Variants in CYP2C8 observed in about 807,000 individuals in gnomAD.
CYP2C8 encodes cytochrome P450 family 2 subfamily C member 8.
In CYP2C8, 51 loss-of-function variants were observed where a neutral mutation model predicts 41.3. The ratio of observed to expected loss-of-function variants is 1.24; its 90% confidence interval spans 0.99 to 1.56. The LOEUF is 1.56. Ranked by LOEUF, CYP2C8 falls within the 40% of genes most tolerant of loss-of-function variation. The pLI, the probability that CYP2C8 is intolerant of heterozygous loss-of-function variation, is 0.00. For synonymous variants in CYP2C8, 218 were observed against 205.8 expected, an observed-to-expected ratio of 1.06 and a Z score of -0.51; for missense variants, 651 against 579.9, an observed-to-expected ratio of 1.12 and a Z score of -1.26.
intron 5 of CYP2C8, among the ~76,000 whole-genome samples, chr10:95,047,574 C>T (rs1191270104): frequency 1.3e-5 from 2 of 152,048 alleles, no homozygotes; most frequent in Non-Finnish European, 2.9e-5. Flanking sequence ...CAACAGGCAA[C>T]TTATTCTTAG....
At chr10:95,058,572 G>A (rs1446133487) in intron 4 of CYP2C8, 61 bp from the exon 5 acceptor site, 3 of 1,413,836 alleles carry the variant, frequency 2.1e-6, no homozygotes, top group African/African-American at 2.9e-5. Flanking sequence ...CTTACACCAA[G>A]CCCTGATTGA....
At chr10:95,039,986 A>G (rs1247394822) in intron 7 of CYP2C8, among the ~76,000 whole-genome samples, 1 of 152,200 alleles carries the variant, frequency 6.6e-6, no homozygotes, top group Non-Finnish European at 1.5e-5. Context: ...AGGTCAACTG[A>G]TTGAAAAGAA....
At chr10:95,063,714 TC>T (rs1296433479) in intron 4 of CYP2C8, among the ~76,000 whole-genome samples, 1 of 152,242 alleles carries the variant, frequency 6.6e-6, no homozygotes, top group Non-Finnish European at 1.5e-5. Flanking sequence ...GGAGAGGCAC[TC>T]TGATTTTTAG....
intron 3 of CYP2C8, among the ~76,000 whole-genome samples, chr10:95,066,272 C>T (rs2033566397): frequency 6.7e-6 from 1 of 150,370 alleles, no homozygotes; most frequent in Admixed American, 6.7e-5. Flanking sequence ...TTTTATATCC[C>T]AGCTGATAAT....
chr10:95,051,799 T>G (rs11188155), intron 5 of CYP2C8, among the ~76,000 whole-genome samples: 32,961 of 151,976 alleles, frequency 0.22, 4,038 homozygotes, highest in Non-Finnish European at 0.29. Flanking sequence ...TATCAAAACC[T>G]ATGGGATTCA....
At chr10:95,065,957 C>T (rs555977571) in intron 3 of CYP2C8, among the ~76,000 whole-genome samples, 21 of 152,082 alleles carry the variant, frequency 1.4e-4, no homozygotes, top group Admixed American at 3.3e-4. Flanking sequence ...AAGAGTGACA[C>T]GAAATGAAAG....
intron 1 of CYP2C8, among the ~76,000 whole-genome samples, chr10:95,067,932 T>C (rs2033605995): frequency 6.6e-6 from 1 of 152,322 alleles, no homozygotes; most frequent in African/African-American, 2.4e-5. Flanking sequence ...CAGTTCATCC[T>C]CACTTCAACA....
chr10:95,067,943 C>T (rs2033606134), intron 1 of CYP2C8, among the ~76,000 whole-genome samples: 2 of 152,232 alleles, frequency 1.3e-5, no homozygotes, highest in South Asian at 4.1e-4. Context: ...CACTTCAACA[C>T]ATTCAGCACA....
chr10:95,061,445 T>G (rs1384719909), intron 4 of CYP2C8, among the ~76,000 whole-genome samples: 3 of 152,224 alleles, frequency 2.0e-5, no homozygotes, highest in Non-Finnish European at 4.4e-5. Flanking sequence ...GTTTATAGTA[T>G]GCTCTGATGG....
At chr10:95,048,597 T>C (rs2033153759) in intron 5 of CYP2C8, among the ~76,000 whole-genome samples, 1 of 152,194 alleles carries the variant, frequency 6.6e-6, no homozygotes, top group Admixed American at 6.5e-5. Flanking sequence ...GGTATGGTGT[T>C]AGCTGAGATA....
chr10:95,058,215 A>C, intron 5 of CYP2C8, 120 bp downstream of exon 5: 2 of 1,425,458 alleles, frequency 1.4e-6, no homozygotes, highest in South Asian at 2.4e-5. Flanking sequence ...TAAGTAATTA[A>C]GATGCTTGTC....
chr10:95,063,323 A>G (rs1039095717), intron 4 of CYP2C8, among the ~76,000 whole-genome samples: 1 of 152,170 alleles, frequency 6.6e-6, no homozygotes, highest in Non-Finnish European at 1.5e-5. Context: ...TATTTCTTGG[A>G]GGCTTTGTGC....
intron 4 of CYP2C8, among the ~76,000 whole-genome samples, chr10:95,060,693 G>A (rs1275263018): frequency 2.0e-5 from 3 of 152,134 alleles, no homozygotes; most frequent in African/African-American, 7.2e-5. Flanking sequence ...GAATAGGAGT[G>A]GTGAGAGAGG....
chr10:95,040,282 G>A (rs1209234110), intron 7 of CYP2C8, among the ~76,000 whole-genome samples: 1 of 152,188 alleles, frequency 6.6e-6, no homozygotes, highest in East Asian at 1.9e-4. Context: ...ACCTCTTCTG[G>A]TTGTGTGCTT....
chr10:95,058,299 A>G (rs1323230173), intron 5 of CYP2C8, 36 bp downstream of exon 5: 1 of 1,611,028 alleles, frequency 6.2e-7, no homozygotes, highest in Admixed American at 1.7e-5. Context: ...AAAATGGACA[A>G]GAAATCAAAA....
chr10:95,045,992 C>T (rs1471077739), intron 5 of CYP2C8, 41 bp from the exon 6 acceptor site: 3 of 1,608,910 alleles, frequency 1.9e-6, no homozygotes, highest in Non-Finnish European at 2.6e-6. Context: ...AATTATGTGC[C>T]AGTATATCTA....
intron 7 of CYP2C8, chr10:95,040,898 C>T (rs1186865002): frequency 2.2e-6 from 1 of 456,122 alleles, no homozygotes; most frequent in Middle Eastern, 3.3e-4. Flanking sequence ...TAAAAACAGA[C>T]CCACATTAGG....
At chr10:95,068,259 G>A (rs374382200) in intron 1 of CYP2C8, among the ~76,000 whole-genome samples, 4 of 147,774 alleles carry the variant, frequency 2.7e-5, no homozygotes, top group Admixed American at 2.7e-4. Flanking sequence ...TGTAACTGCT[G>A]GTATTACCAA....
intron 3 of CYP2C8, among the ~76,000 whole-genome samples, chr10:95,065,985 G>A (rs984229108): frequency 6.6e-6 from 1 of 152,106 alleles, no homozygotes; most frequent in African/African-American, 2.4e-5. Context: ...AATAAAGTTG[G>A]AACATTGAAC....
Sources: allele counts gnomAD v4.1 joint callset (sites outside exome capture counted in the v4.1 genomes callset), GRCh38; gene constraint gnomAD v4.1.1; transcripts MANE v1.5; gene names NCBI Gene and HGNC (gene_info 2026-07-23, HGNC 2026-07-21).